Variants in SAXO1 observed in about 807,000 individuals in gnomAD.
SAXO1 encodes 4930500O09Rik.
A neutral mutation model predicts 17.5 loss-of-function variants in SAXO1; 21 were observed. That is an observed-to-expected ratio of 1.20 (90% CI 0.85 to 1.72). The LOEUF (loss-of-function observed/expected upper bound fraction) is 1.72. Among genes scored for constraint, SAXO1 ranks in the 40% most tolerant of loss-of-function variants. The pLI, the probability that SAXO1 is intolerant of heterozygous loss-of-function variation, is 0.00. For missense variants in SAXO1, 843 were observed against 596.0 expected (o/e 1.41, Z -4.32); for synonymous variants, 274 against 216.5 (o/e 1.27, Z -2.33).
intron 1 of SAXO1, among the ~76,000 whole-genome samples, chr9:19,048,160 G>C (rs1044953200): frequency 1.3e-5 from 2 of 152,208 alleles, no homozygotes; most frequent in African/African-American, 4.8e-5. Context: ...GTACAGTACA[G>C]TATACACTTT....
At chr9:18,967,980 G>T (rs1299779898) in intron 1 of SAXO1, among the ~76,000 whole-genome samples, 1 of 152,174 alleles carries the variant, frequency 6.6e-6, no homozygotes, top group African/African-American at 2.4e-5. Flanking sequence ...GTCCCTCACA[G>T]CCTCCGATGG....
rs542346839 is a variant in SAXO1, at chr9:19,008,579, A to G, written c.38+24292T>C. On this transcript the variant is annotated intron_variant, in intron 1 of 3. Coordinates refer to ENST00000380534, the MANE Select transcript of SAXO1 (RefSeq NM_153707.4). ...GAAGAGTTGAGTGATTGAGGCAGAAAATGCTAGATACCTACCCGAATATTT... is the reference window on the plus strand; with the variant it reads ...GAAGAGTTGAGTGATTGAGGCAGAAGATGCTAGATACCTACCCGAATATTT... 2.0e-5 allele frequency among the ~76,000 whole-genome samples: 3 copies of G among 152,254 alleles called. No homozygotes were observed. In the East Asian group the frequency reaches 5.8e-4, roughly 29 times the overall value.
chr9:18,981,020 G>T (rs1179208410), intron 1 of SAXO1, among the ~76,000 whole-genome samples: 1 of 152,136 alleles, frequency 6.6e-6, no homozygotes, highest in Non-Finnish European at 1.5e-5. Flanking sequence ...ATTCAAATCT[G>T]ACCAGCCACT....
intron 2 of SAXO1, 143 bp downstream of exon 2, chr9:18,950,615 T>C: frequency 2.9e-6 from 2 of 691,084 alleles, no homozygotes; most frequent in Non-Finnish European, 2.3e-6. Context: ...AGAGATATAG[T>C]ACATTAAGGC....
intron 1 of SAXO1, among the ~76,000 whole-genome samples, chr9:18,960,983 G>A (rs186005279): frequency 8.7e-4 from 132 of 152,086 alleles, no homozygotes; most frequent in African/African-American, 3.1e-3. Flanking sequence ...ATCTTCATAG[G>A]GACTTGGGTT....
chr9:18,967,711 C>G (rs892568413), intron 1 of SAXO1, among the ~76,000 whole-genome samples: 1 of 152,106 alleles, frequency 6.6e-6, no homozygotes, highest in Non-Finnish European at 1.5e-5. Flanking sequence ...TGAGCAAGAC[C>G]ATTCGGCTCC....
At chr9:19,028,627 T>C (rs1385794352) in intron 1 of SAXO1, among the ~76,000 whole-genome samples, 1 of 152,244 alleles carries the variant, frequency 6.6e-6, no homozygotes, top group Non-Finnish European at 1.5e-5. Context: ...GTGCTGATTA[T>C]GTTGAAAAGA....
intron 1 of SAXO1, among the ~76,000 whole-genome samples, chr9:18,968,595 T>TTCG (rs1468257451): frequency 1.6e-5 from 1 of 61,616 alleles, no homozygotes; most frequent in African/African-American, 7.1e-5. Context: ...TGTCCCCCTT[T>TTCG]TTGTTTTTTT....
intron 1 of SAXO1, among the ~76,000 whole-genome samples, chr9:19,031,909 C>T (rs1417186785): frequency 6.6e-6 from 1 of 152,194 alleles, no homozygotes; most frequent in Non-Finnish European, 1.5e-5. Context: ...CTCCACACTA[C>T]TGATACCATT....
intron 1 of SAXO1, among the ~76,000 whole-genome samples, chr9:18,980,780 T>G (rs1180602503): frequency 4.8e-4 from 4 of 8,398 alleles, no homozygotes; most frequent in South Asian, 2.8e-3. Flanking sequence ...TTTAAAAAAC[T>G]GAAAAAAAAA....
At chr9:19,015,096 A>G (rs1395244014) in intron 1 of SAXO1, among the ~76,000 whole-genome samples, 1 of 152,176 alleles carries the variant, frequency 6.6e-6, no homozygotes, top group Non-Finnish European at 1.5e-5. Flanking sequence ...CTGCTTCCAC[A>G]CAACCCCTTC....
chr9:18,996,693 C>T (rs544461848), intron 1 of SAXO1, among the ~76,000 whole-genome samples: 17 of 152,064 alleles, frequency 1.1e-4, no homozygotes, highest in Admixed American at 3.9e-4. Context: ...AACGTCATAA[C>T]ATGATAAAGG....
In SAXO1 at chr9:18,941,858, A is replaced by G. The variant is rs1452826719; in HGVS notation, c.219-19T>C. On this transcript the variant is annotated intron_variant, in intron 2 of 3. Coordinates refer to ENST00000380534, the MANE Select transcript of SAXO1 (RefSeq NM_153707.4). Reference sequence around the variant, plus strand: ...ATCTCTCCTGTAAGGAAGCAAGTGCATGCTGTTGGGGTCCTTGGCTTGCGA... The same window carrying G: ...ATCTCTCCTGTAAGGAAGCAAGTGCGTGCTGTTGGGGTCCTTGGCTTGCGA... The G allele has an allele frequency of 1.9e-6, 3 of 1,613,326 alleles. No individual in the cohort carries two copies. Among genetic ancestry groups the G allele is most frequent in the Non-Finnish European group, 8.5e-7 (1 of 1,179,294 alleles).
At chr9:18,944,796 G>A (rs1831719083) in intron 2 of SAXO1, among the ~76,000 whole-genome samples, 1 of 152,192 alleles carries the variant, frequency 6.6e-6, no homozygotes, top group African/African-American at 2.4e-5. Context: ...AGGGTCCTGA[G>A]CCTGGCAGTG....
chr9:18,962,055 C>T (rs898394115), intron 1 of SAXO1, among the ~76,000 whole-genome samples: 5 of 151,834 alleles, frequency 3.3e-5, no homozygotes, highest in Admixed American at 1.3e-4. Context: ...TGTGTGTGTA[C>T]GGTTTTTTTA....
intron 1 of SAXO1, among the ~76,000 whole-genome samples, chr9:18,955,001 G>A (rs1038217697): frequency 4.0e-5 from 6 of 151,584 alleles, no homozygotes; most frequent in East Asian, 1.9e-4. Flanking sequence ...TGTCATACAC[G>A]TCATTTTTAA....
At chr9:19,033,656 T>C (rs986547086), upstream of SAXO1, among the ~76,000 whole-genome samples, 1 of 152,186 alleles carries the variant, frequency 6.6e-6, no homozygotes, top group Non-Finnish European at 1.5e-5. Flanking sequence ...AACACAGTGG[T>C]TTAAGAGCGC....
At chr9:19,013,540 A>ATTTTTTTTTTTT (rs1219136885) in intron 1 of SAXO1, among the ~76,000 whole-genome samples, 1 of 93,204 alleles carries the variant, frequency 1.1e-5, no homozygotes, top group Non-Finnish European at 1.9e-5. Flanking sequence ...AAAAGTACGG[A>ATTTTTTTTTTTT]TTTTTTTTTT....
chr9:18,991,157 C>G (rs1833795554), intron 1 of SAXO1, among the ~76,000 whole-genome samples: 1 of 152,242 alleles, frequency 6.6e-6, no homozygotes, highest in South Asian at 2.1e-4. Flanking sequence ...GCTCGAGAGG[C>G]TGAGCCATGA....
Sources: gnomAD v4.1 joint callset for allele counts (sites outside exome capture counted in the v4.1 genomes callset) on GRCh38, gnomAD v4.1.1 for gene constraint, MANE v1.5 for transcripts, NCBI Gene and HGNC (gene_info 2026-07-23, HGNC 2026-07-21) for gene names.